The following LDLRAD4 variants were observed in gnomAD, a reference collection of about 807,000 sequenced individuals.
LDLRAD4 encodes the protein low density lipoprotein receptor class A domain containing 4.
Under a neutral mutation model 17.0 loss-of-function variants are expected in LDLRAD4, and 5 were observed. The ratio of observed to expected loss-of-function variants is 0.29; its 90% confidence interval spans 0.15 to 0.62. The LOEUF (loss-of-function observed/expected upper bound fraction) is 0.62, where lower values mean the gene tolerates loss of function less well. LDLRAD4 is among the 20% of genes least tolerant of loss of function. The pLI is 0.84. For missense variants in LDLRAD4, 340 were observed against 424.7 expected, an observed-to-expected ratio of 0.80 and a Z score of 1.75; for synonymous variants, 168 against 171.8, an observed-to-expected ratio of 0.98 and a Z score of 0.17.
intron 1 of LDLRAD4, among the ~76,000 whole-genome samples, chr18:13,268,978 GAGGAACTAGA>G (rs1304286075): frequency 6.6e-6 from 1 of 152,216 alleles, no homozygotes; most frequent in Non-Finnish European, 1.5e-5. Context: ...TGGACCATGT[GAGGAACTAGA>G]AGATTAACTT....
intron 1 of LDLRAD4, among the ~76,000 whole-genome samples, chr18:13,312,418 T>A (rs564821595): frequency 1.3e-5 from 2 of 152,266 alleles, no homozygotes; most frequent in South Asian, 2.1e-4. Context: ...ATTCAACCTG[T>A]ATATACTTAA....
chr18:13,619,041 C>T (rs2040338594), intron 3 of LDLRAD4, among the ~76,000 whole-genome samples: 1 of 152,248 alleles, frequency 6.6e-6, no homozygotes, highest in Non-Finnish European at 1.5e-5. Flanking sequence ...ACAGAGAACA[C>T]ACCCATGCAG....
intron 3 of LDLRAD4, among the ~76,000 whole-genome samples, chr18:13,604,921 G>T (rs997403639): frequency 6.6e-6 from 1 of 152,134 alleles, no homozygotes; most frequent in Non-Finnish European, 1.5e-5. Flanking sequence ...GACACATGTG[G>T]CAGGAGTAGG....
intron 3 of LDLRAD4, chr18:13,489,884 G>A (rs2093323327): frequency 6.6e-6 from 1 of 152,216 alleles, no homozygotes; most frequent in Non-Finnish European, 1.5e-5. Flanking sequence ...AAGGAGGGAG[G>A]AGATTTGTGC....
At chr18:13,220,023 C>T (rs2041363816) in intron 1 of LDLRAD4, among the ~76,000 whole-genome samples, 1 of 152,214 alleles carries the variant, frequency 6.6e-6, no homozygotes, top group South Asian at 2.1e-4. Context: ...ATTACATAGA[C>T]AAATGAGGAT....
exon 6 of LDLRAD4, chr18:13,649,806 A>G (rs1053548065): frequency 5.2e-6 from 2 of 385,150 alleles, no homozygotes; most frequent in African/African-American, 2.1e-5. Context: ...TGCTTAAGTG[A>G]TTAAAGCCAG....
chr18:13,611,121 A>AC (rs1021905128), intron 3 of LDLRAD4: 1 of 154,304 alleles, frequency 6.5e-6, no homozygotes, highest in Non-Finnish European at 1.5e-5. Context: ...CCCTGCGGTG[A>AC]CATCAGGGCC....
In LDLRAD4 at chr18:13,583,644, T is replaced by C. The variant is rs576832019; in HGVS notation, c.182-37473T>C. Among the ~76,000 whole-genome samples the C allele has an allele frequency of 2.6e-5, 4 of 152,284 alleles. No homozygotes were observed. The East Asian group carries it at 5.8e-4, about 22-fold the overall frequency. ...AAAGATTGATATTTGCCAAAAGATATGAAGTTAGAGTAAAAGAGGCTCGGT... is the reference window on the plus strand; with the variant it reads ...AAAGATTGATATTTGCCAAAAGATACGAAGTTAGAGTAAAAGAGGCTCGGT... On this transcript the variant is annotated intron_variant, in intron 3 of 5. Coordinates refer to ENST00000359446, the Ensembl canonical transcript of LDLRAD4.
chr18:13,286,634 T>G (rs1215822168), intron 1 of LDLRAD4, among the ~76,000 whole-genome samples: 1 of 152,214 alleles, frequency 6.6e-6, no homozygotes, highest in Non-Finnish European at 1.5e-5. Context: ...CTGCATAGAT[T>G]ATCCCATACG....
intron 1 of LDLRAD4, among the ~76,000 whole-genome samples, chr18:13,262,163 G>C (rs2043876705): frequency 7.4e-6 from 1 of 135,792 alleles, no homozygotes; most frequent in Non-Finnish European, 1.6e-5. Context: ...TCTGTGCGTG[G>C]GGGCTGAGTC....
intron 3 of LDLRAD4, among the ~76,000 whole-genome samples, chr18:13,532,491 C>G (rs2094143234): frequency 7.7e-6 from 1 of 130,024 alleles, no homozygotes; most frequent in Non-Finnish European, 1.6e-5. Flanking sequence ...AATGCTGGAA[C>G]AGTGGGTCCC....
chr18:13,272,244 G>T (rs1031059344), intron 1 of LDLRAD4, among the ~76,000 whole-genome samples: 1 of 152,112 alleles, frequency 6.6e-6, no homozygotes, highest in African/African-American at 2.4e-5. Context: ...GCAGCTGCTC[G>T]GGGTCTGGGT....
At chr18:13,509,267 T>A (rs545434269) in intron 3 of LDLRAD4, among the ~76,000 whole-genome samples, 1 of 152,334 alleles carries the variant, frequency 6.6e-6, no homozygotes, top group South Asian at 2.1e-4. Flanking sequence ...TCAGCCATGA[T>A]CATGCCACTG....
intron 3 of LDLRAD4, among the ~76,000 whole-genome samples, chr18:13,475,239 A>G (rs1034785593): frequency 3.3e-5 from 5 of 152,194 alleles, no homozygotes; most frequent in African/African-American, 9.6e-5. Flanking sequence ...CCAGATTCAC[A>G]GTGGTGGCTC....
At chr18:13,524,431 C>A (rs2093999159) in intron 3 of LDLRAD4, among the ~76,000 whole-genome samples, 1 of 152,134 alleles carries the variant, frequency 6.6e-6, no homozygotes, top group Non-Finnish European at 1.5e-5. Context: ...CAAATATCTT[C>A]ACCTGGGGCT....
At chr18:13,294,605 G>T (rs1038358500) in intron 1 of LDLRAD4, among the ~76,000 whole-genome samples, 3 of 152,182 alleles carry the variant, frequency 2.0e-5, no homozygotes, top group Non-Finnish European at 4.4e-5. Context: ...TTCCTAGGCG[G>T]TGGAGCTGTA....
intron 1 of LDLRAD4, among the ~76,000 whole-genome samples, chr18:13,351,453 G>A (rs931279814): frequency 8.5e-5 from 13 of 152,122 alleles, no homozygotes; most frequent in Admixed American, 5.9e-4. Flanking sequence ...GTATAGGAAT[G>A]TTTGTGATTT....
chr18:13,352,604 G>A (rs1022903604), intron 1 of LDLRAD4, among the ~76,000 whole-genome samples: 1 of 151,888 alleles, frequency 6.6e-6, no homozygotes, highest in Non-Finnish European at 1.5e-5. Flanking sequence ...TAAATTTCTC[G>A]GATTTGTCAA....
chr18:13,591,793 C>G (rs955414360), intron 3 of LDLRAD4, among the ~76,000 whole-genome samples: 1 of 152,110 alleles, frequency 6.6e-6, no homozygotes, highest in African/African-American at 2.4e-5. Flanking sequence ...GTCACTTGTA[C>G]GTGAGGCCAA....
Sources: allele counts gnomAD v4.1 joint callset (sites outside exome capture counted in the v4.1 genomes callset), GRCh38; gene constraint gnomAD v4.1.1; transcripts MANE v1.5; gene names NCBI Gene and HGNC (gene_info 2026-07-23, HGNC 2026-07-21).